RSRC1: variants seen among roughly 807,000 people sequenced by gnomAD.
The protein encoded by RSRC1 is arginine and serine rich coiled-coil 1, also known as serine/Arginine-related protein 53.
Under a neutral mutation model 49.1 loss-of-function variants are expected in RSRC1, and 39 were observed. The ratio of observed to expected loss-of-function variants is 0.79; its 90% confidence interval spans 0.61 to 1.04. The LOEUF is 1.04. Among genes scored for constraint, RSRC1 ranks in the 50% least tolerant of loss-of-function variants. RSRC1 has a pLI of 0.00. For missense variants in RSRC1, 388 were observed against 402.4 expected, an observed-to-expected ratio of 0.96 and a Z score of 0.31; for synonymous variants, 143 against 130.8, an observed-to-expected ratio of 1.09 and a Z score of -0.63.
At chr3:158,146,445 A>T (rs1474493283) in intron 3 of RSRC1, among the ~76,000 whole-genome samples, 1 of 152,126 alleles carries the variant, frequency 6.6e-6, no homozygotes, top group Non-Finnish European at 1.5e-5. Context: ...TGATTTGCGT[A>T]TGTTGAACCA....
intron 6 of RSRC1, among the ~76,000 whole-genome samples, chr3:158,365,585 G>T (rs932351735): frequency 4.6e-5 from 7 of 152,088 alleles, no homozygotes; most frequent in Non-Finnish European, 8.8e-5. Context: ...TTTTGCTATT[G>T]TAAACAGTGC....
chr3:158,352,573 A>G (rs1021476949), intron 5 of RSRC1, among the ~76,000 whole-genome samples: 2 of 152,216 alleles, frequency 1.3e-5, no homozygotes, highest in East Asian at 1.9e-4. Flanking sequence ...AAAGGACACT[A>G]CTTACAAGGA....
At chr3:158,499,446 C>T (rs951199408) in intron 7 of RSRC1, among the ~76,000 whole-genome samples, 12 of 151,820 alleles carry the variant, frequency 7.9e-5, no homozygotes, top group African/African-American at 2.9e-4. Context: ...ATGGGGATTG[C>T]ACTGAATTTG....
chr3:158,256,967 CTTT>C (rs1724599036), intron 4 of RSRC1, among the ~76,000 whole-genome samples: 1 of 152,030 alleles, frequency 6.6e-6, no homozygotes, highest in South Asian at 2.1e-4. Context: ...CTCTTTTCTT[CTTT>C]AATAGTCTTG....
chr3:158,386,393 A>G (rs1732967717), intron 6 of RSRC1, among the ~76,000 whole-genome samples: 1 of 152,212 alleles, frequency 6.6e-6, no homozygotes, highest in Non-Finnish European at 1.5e-5. Context: ...TGTTTAATAC[A>G]TTTTAGTTTT....
chr3:158,510,972 G>A (rs1016157933), intron 7 of RSRC1, among the ~76,000 whole-genome samples: 6 of 152,148 alleles, frequency 3.9e-5, no homozygotes, highest in African/African-American at 1.2e-4. Context: ...TATTTGGTGA[G>A]AATAATGTCT....
intron 6 of RSRC1, among the ~76,000 whole-genome samples, chr3:158,429,281 T>G (rs943322277): frequency 2.0e-5 from 3 of 151,418 alleles, no homozygotes; most frequent in Non-Finnish European, 3.0e-5. Context: ...AATATTATGC[T>G]GCTGTTAACA....
chr3:158,336,045 A>G (rs1323055447), intron 5 of RSRC1, among the ~76,000 whole-genome samples: 3 of 152,180 alleles, frequency 2.0e-5, no homozygotes, highest in Non-Finnish European at 4.4e-5. Context: ...TTAATCCGCA[A>G]CTGTAAGCTC....
At chr3:158,425,698 T>C (rs1735386480) in intron 6 of RSRC1, among the ~76,000 whole-genome samples, 1 of 151,940 alleles carries the variant, frequency 6.6e-6, no homozygotes, top group African/African-American at 2.4e-5. Context: ...AAGTCTCCCA[T>C]TATTAATGTG....
chr3:158,200,173 G>A (rs1279816436), intron 3 of RSRC1, among the ~76,000 whole-genome samples: 3 of 152,070 alleles, frequency 2.0e-5, no homozygotes, highest in African/African-American at 7.2e-5. Flanking sequence ...AAGTAGCTGG[G>A]ACTACAGGCA....
intron 7 of RSRC1, among the ~76,000 whole-genome samples, chr3:158,523,788 A>C (rs191496218): frequency 7.2e-5 from 11 of 152,228 alleles, no homozygotes; most frequent in Non-Finnish European, 1.3e-4. Flanking sequence ...GAGCAGGAGC[A>C]TGGTCATAGT....
rs537533328 is a variant in RSRC1 at position 158,120,094 on chromosome 3, G to T, written c.-2-2009G>T. On this transcript the variant is annotated intron_variant, in intron 1 of 9. Transcript: ENST00000611884. Reference sequence around the variant, plus strand: ...TCCGCCCGCCTCGGCCTCCCAAAGTGCTGGGATTACAGGCGTGAGCCACTG... The same window carrying T: ...TCCGCCCGCCTCGGCCTCCCAAAGTTCTGGGATTACAGGCGTGAGCCACTG... 2.0e-4 allele frequency among the ~76,000 whole-genome samples: 30 copies of T among 152,216 alleles called. 1 individual carries two copies. The South Asian group carries it at 6.2e-3, about 32-fold the overall frequency.
At chr3:158,301,033 T>G (rs1040658940) in intron 5 of RSRC1, among the ~76,000 whole-genome samples, 2 of 152,192 alleles carry the variant, frequency 1.3e-5, no homozygotes, top group Non-Finnish European at 2.9e-5. Flanking sequence ...TTTCCTTTAC[T>G]TAAGTTTTTT....
chr3:158,363,561 A>G (rs1339828484), intron 6 of RSRC1, among the ~76,000 whole-genome samples: 1 of 152,106 alleles, frequency 6.6e-6, no homozygotes, highest in African/African-American at 2.4e-5. Context: ...CACCATGCCC[A>G]GCCCTCGAGC....
In RSRC1 at chr3:158,488,265, TA is replaced by T. The variant is rs959313476; in HGVS notation, c.652+27268del. Among the ~76,000 whole-genome samples the T allele has an allele frequency of 2.0e-3, 309 of 152,238 alleles. 1 individual carries two copies. The highest frequency in any genetic ancestry group is 3.3e-3 in the Non-Finnish European group (226 of 68,004). On this transcript the variant is annotated intron_variant, in intron 7 of 9. Coordinates refer to ENST00000611884, the MANE Select transcript of RSRC1 (RefSeq NM_001271838.2). ...TCTGAAGGAACTCTTTTAATAAGTA[TA>T]AAAAATTCTAAATAATAGGAAAGTA...
At chr3:158,205,149 A>G (rs983283730) in intron 4 of RSRC1, among the ~76,000 whole-genome samples, 5 of 152,198 alleles carry the variant, frequency 3.3e-5, no homozygotes, top group Admixed American at 6.5e-5. Flanking sequence ...GAGGTGCAAA[A>G]TAAAAGGGCA....
intron 2 of RSRC1, among the ~76,000 whole-genome samples, chr3:158,122,887 T>C (rs1715372439): frequency 6.6e-6 from 1 of 152,240 alleles, no homozygotes; most frequent in African/African-American, 2.4e-5. Flanking sequence ...GCTTCATCTA[T>C]GTGCCTACAA....
intron 3 of RSRC1, among the ~76,000 whole-genome samples, chr3:158,172,033 T>G (rs1718910655): frequency 6.6e-6 from 1 of 151,656 alleles, no homozygotes; most frequent in Admixed American, 6.6e-5. Context: ...AAAAAAGAAT[T>G]TAAAAACAGT....
chr3:158,229,869 A>T (rs1010702374), intron 4 of RSRC1, among the ~76,000 whole-genome samples: 2 of 151,936 alleles, frequency 1.3e-5, no homozygotes, highest in African/African-American at 2.4e-5. Flanking sequence ...CTGTGTAAGA[A>T]TTTTTTACAT....
Sources: gnomAD v4.1 joint callset for allele counts (sites outside exome capture counted in the v4.1 genomes callset) on GRCh38, gnomAD v4.1.1 for gene constraint, MANE v1.5 for transcripts, NCBI Gene and HGNC (gene_info 2026-07-23, HGNC 2026-07-21) for gene names.